Variants in DNAH3 observed in about 807,000 individuals in gnomAD.
DNAH3 encodes the protein axonemal beta dynein heavy chain 3.
In DNAH3, 332 loss-of-function variants were observed where a neutral mutation model predicts 432.5. The ratio of observed to expected loss-of-function variants is 0.77; its 90% CI spans 0.70 to 0.84. The LOEUF (loss-of-function observed/expected upper bound fraction) is 0.84, where lower values mean the gene tolerates loss of function less well. Among genes scored for constraint, DNAH3 ranks in the 40% least tolerant of loss-of-function variants. The pLI is 0.00. For synonymous variants in DNAH3, 1,956 were observed against 1,900.2 expected, an observed-to-expected ratio of 1.03 and a Z score of -0.76; for missense variants, 4,861 against 5,114.0, an observed-to-expected ratio of 0.95 and a Z score of 1.51.
intron 41 of DNAH3, among the ~76,000 whole-genome samples, chr16:21,011,056 C>T (rs947757136): frequency 3.3e-5 from 5 of 151,962 alleles, no homozygotes; most frequent in African/African-American, 7.3e-5. Flanking sequence ...ATGAGGCCAT[C>T]GTTGTGGACA....
chr16:20,987,712 C>T (rs1215207463), exon 46 of DNAH3: 3 of 1,614,014 alleles, frequency 1.9e-6, no homozygotes, highest in African/African-American at 1.3e-5. Context: ...TGTGTGAGGG[C>T]ACAGCAGGAC....
chr16:21,153,309 G>A (rs1481520043), intron 1 of DNAH3, among the ~76,000 whole-genome samples: 1 of 152,128 alleles, frequency 6.6e-6, no homozygotes, highest in African/African-American at 2.4e-5. Flanking sequence ...CTCAGGGTCT[G>A]TGAATGCACC....
intron 51 of DNAH3, among the ~76,000 whole-genome samples, 189 bp downstream of exon 51, chr16:20,975,044 T>A: frequency 6.7e-6 from 1 of 150,364 alleles, no homozygotes; most frequent in East Asian, 2.0e-4. Context: ...TTGGTCAGGC[T>A]GGTCTTGAAC....
intron 5 of DNAH3, among the ~76,000 whole-genome samples, chr16:21,136,813 G>C (rs2092649261): frequency 6.6e-6 from 1 of 152,014 alleles, no homozygotes; most frequent in East Asian, 1.9e-4. Flanking sequence ...TCCAGGGATG[G>C]AGGTGGCATA....
Position 21,038,972 on chromosome 16 carries a change from T to G in DNAH3, c.4730+880A>C, listed in dbSNP as rs1376381049. On this transcript the variant is annotated intron_variant, in intron 33 of 61. Coordinates refer to ENST00000261383, the Ensembl canonical transcript of DNAH3. ...AGAAAGTCAATTGACATGATAAAAT[T>G]TGGAATAGATCAATACAAGCCATTT... is the stretch of plus-strand genomic sequence containing the variant. Among the ~76,000 whole-genome samples, 3 of 152,132 alleles carry G rather than the reference T, an allele frequency of 2.0e-5. No homozygotes were observed. The East Asian group carries it at 5.8e-4, about 29-fold the overall frequency.
chr16:21,141,301 T>C (rs759936161), exon 4 of DNAH3: 15 of 1,583,716 alleles, frequency 9.5e-6, no homozygotes, highest in African/African-American at 8.1e-5. Flanking sequence ...ATATCTTACC[T>C]AGTGGAATCC....
intron 26 of DNAH3, among the ~76,000 whole-genome samples, chr16:21,059,114 A>G (rs2090249139): frequency 6.6e-6 from 1 of 152,246 alleles, no homozygotes; most frequent in Non-Finnish European, 1.5e-5. Flanking sequence ...CCCATTTACT[A>G]TACATATGTG....
chr16:21,131,705 T>A lies in DNAH3; in HGVS notation c.1082+2554A>T, dbSNP rs961089095. On this transcript the variant is annotated intron_variant, in intron 7 of 61. Coordinates refer to ENST00000261383, the Ensembl canonical transcript of DNAH3. Reference sequence around the variant, plus strand: ...TCTCTACTAAAAATACAAAAAAAAATTAGCCAGGCATGGTGGCACATGCCT... The same window carrying A: ...TCTCTACTAAAAATACAAAAAAAAAATAGCCAGGCATGGTGGCACATGCCT... Among the ~76,000 whole-genome samples the A allele has an allele frequency of 5.3e-5, 8 of 151,066 alleles. No individual in the cohort carries two copies. The South Asian group carries it at 1.3e-3, about 24-fold the overall frequency.
chr16:21,144,267 C>G (rs1040035946), intron 3 of DNAH3, among the ~76,000 whole-genome samples: 9 of 152,128 alleles, frequency 5.9e-5, no homozygotes, highest in African/African-American at 2.2e-4. Flanking sequence ...GCAAAAGTGA[C>G]AAGATGTCAC....
rs1219910297 is a variant in DNAH3, at chr16:21,051,173, A to G, written c.4238+497T>C. Among the ~76,000 whole-genome samples, 3 of 152,250 alleles carry G rather than the reference A, an allele frequency of 2.0e-5. No homozygotes were observed. In the East Asian group the frequency reaches 5.8e-4, roughly 29 times the overall value. ...AAGGAAATATATAAAAGCAAAGAACATCTAAACATCACAAAACCGACAAGT... is the reference window on the plus strand; with the variant it reads ...AAGGAAATATATAAAAGCAAAGAACGTCTAAACATCACAAAACCGACAAGT... On this transcript the variant is annotated intron_variant, in intron 29 of 61. Coordinates refer to ENST00000261383, the Ensembl canonical transcript of DNAH3.
In DNAH3 at chr16:20,944,671, GGAAATCTTCAGTT is replaced by G; in HGVS notation, c.11344-21_11344-9del. ...GAGATAGTCGATATAGGACTGGAAG[GGAAATCTTCAGTT>G]GAAATCAACGAGGGACCCCAGAATC... is the stretch of plus-strand genomic sequence containing the variant. On this transcript the variant is annotated splice_polypyrimidine_tract_variant and intron_variant, in intron 57 of 61. Coordinates refer to ENST00000261383, the Ensembl canonical transcript of DNAH3. 6.2e-7 allele frequency: 1 copy of G among 1,613,666 alleles called. No homozygotes were observed. The highest frequency in any genetic ancestry group is 8.5e-7 in the Non-Finnish European group (1 of 1,179,860).
At chr16:21,125,682 T>C (rs1367806125) in intron 8 of DNAH3, among the ~76,000 whole-genome samples, 3 of 152,192 alleles carry the variant, frequency 2.0e-5, no homozygotes, top group African/African-American at 7.2e-5. Context: ...TAAAGGGGCA[T>C]AAGGAACTAG....
chr16:21,102,568 C>T (rs1312201368), intron 16 of DNAH3, among the ~76,000 whole-genome samples: 3 of 152,132 alleles, frequency 2.0e-5, no homozygotes, highest in South Asian at 2.1e-4. Flanking sequence ...GATTCTATCC[C>T]GTTCTCCAGA....
rs139715242 is a variant in DNAH3 at position 21,072,487 on chromosome 16, G to A, written c.3085-1661C>T. Reference sequence around the variant, plus strand: ...GATTTCAGGCAAGCACCACCACACCGGGCTAATTTTTGTACTTTTAGCAGA... The same window carrying A: ...GATTTCAGGCAAGCACCACCACACCAGGCTAATTTTTGTACTTTTAGCAGA... On this transcript the variant is annotated intron_variant, in intron 21 of 61. Coordinates refer to ENST00000261383, the Ensembl canonical transcript of DNAH3. Among the ~76,000 whole-genome samples the A allele has an allele frequency of 2.2e-3, 340 of 151,920 alleles. 1 individual carries two copies. Among genetic ancestry groups the A allele is most frequent in the African/African-American group, 7.6e-3 (317 of 41,438 alleles).
At chr16:20,945,067 G>A (rs1162061686) in intron 57 of DNAH3, among the ~76,000 whole-genome samples, 1 of 152,134 alleles carries the variant, frequency 6.6e-6, no homozygotes, top group Non-Finnish European at 1.5e-5. Context: ...TAGGAGGTGA[G>A]GGCATTCTAA....
chr16:21,145,457 G>T, intron 2 of DNAH3, 51 bp from the exon 4 acceptor site: 1 of 1,504,150 alleles, frequency 6.6e-7, no homozygotes, highest in Non-Finnish European at 9.2e-7. Context: ...ATCTCTCGAT[G>T]AGCCTGAGCT....
chr16:21,121,800 C>G (rs2092348480), intron 10 of DNAH3, 145 bp downstream of exon 11: 3 of 560,030 alleles, frequency 5.4e-6, no homozygotes, highest in Admixed American at 3.6e-5. Context: ...TGTCTGGGGT[C>G]AAGGGGTTAT....
chr16:21,098,915 TTCTCTC>T, intron 16 of DNAH3, 146 bp from the exon 17 acceptor site: 1 of 781,200 alleles, frequency 1.3e-6, no homozygotes. Context: ...AACTCCATCT[TTCTCTC>T]TCTCTCTCAA....
chr16:20,951,498 G>A (rs2084306875), intron 56 of DNAH3, among the ~76,000 whole-genome samples: 1 of 150,796 alleles, frequency 6.6e-6, no homozygotes, highest in South Asian at 2.1e-4. Flanking sequence ...AGGCTGGAGT[G>A]GGGTGGCACG....
Sources: gnomAD v4.1 joint callset for allele counts (sites outside exome capture counted in the v4.1 genomes callset) on GRCh38, gnomAD v4.1.1 for gene constraint, MANE v1.5 for transcripts, NCBI Gene and HGNC (gene_info 2026-07-23, HGNC 2026-07-21) for gene names.